FHIP1A: variants seen among roughly 807,000 people sequenced by gnomAD.
FHIP1A encodes FHF complex subunit HOOK interacting protein 1A.
In FHIP1A, 61 loss-of-function variants were observed where a neutral mutation model predicts 88.6. The ratio of observed to expected loss-of-function variants is 0.69; its 90% CI spans 0.56 to 0.85. The LOEUF (loss-of-function observed/expected upper bound fraction) is 0.85, where lower values mean the gene tolerates loss of function less well. Ranked by LOEUF, FHIP1A falls within the 40% of genes least tolerant of loss-of-function variation. The pLI is 0.00. For synonymous variants in FHIP1A, 478 were observed against 496.0 expected (o/e 0.96, Z 0.48); for missense variants, 1,154 against 1,273.5 (o/e 0.91, Z 1.43).
intron 3 of FHIP1A, among the ~76,000 whole-genome samples, chr4:151,515,394 A>G (rs1390832914): frequency 6.6e-6 from 1 of 152,068 alleles, no homozygotes. Context: ...AAAGTGGCAC[A>G]AGACAGGGAT....
intron 1 of FHIP1A, among the ~76,000 whole-genome samples, chr4:151,444,805 A>G (rs1432596137): frequency 2.0e-5 from 3 of 152,164 alleles, no homozygotes; most frequent in Admixed American, 1.3e-4. Context: ...GCATTGTAAG[A>G]TATACTACAA....
At position 151,668,636 on chromosome 4, in the gene FHIP1A, C is replaced by T. The variant is rs1372742081; in HGVS notation, c.*5882C>T. Among the ~76,000 whole-genome samples the T allele has an allele frequency of 6.6e-6, 1 of 152,192 alleles. No individual in the cohort carries two copies. Among genetic ancestry groups the T allele is most frequent in the African/African-American group, 2.4e-5 (1 of 41,452 alleles). On this transcript the variant is annotated 3_prime_UTR_variant, in exon 14 of 14. Transcript: ENST00000435205. ...ACCCAGATGACCCAGAACGCAGAAG[C>T]CTAGTAGTTGGTATCACCAGTGTCT...
intron 7 of FHIP1A, among the ~76,000 whole-genome samples, chr4:151,612,277 G>GTTTT (rs1288799411): frequency 6.6e-6 from 1 of 152,182 alleles, no homozygotes; most frequent in Non-Finnish European, 1.5e-5. Flanking sequence ...TTTTTATTGT[G>GTTTT]TTTTTGTTAA....
intron 3 of FHIP1A, among the ~76,000 whole-genome samples, chr4:151,532,133 G>T (rs144127196): frequency 1.3e-5 from 2 of 152,042 alleles, no homozygotes; most frequent in African/African-American, 2.4e-5. Context: ...GGTCTATATC[G>T]TTTTTTTGGT....
chr4:151,541,804 A>G (rs1032910223), intron 3 of FHIP1A, among the ~76,000 whole-genome samples: 2 of 152,122 alleles, frequency 1.3e-5, no homozygotes, highest in African/African-American at 4.8e-5. Context: ...TTGATTTTGT[A>G]AATAGTTGCT....
chr4:151,656,708 G>C lies in FHIP1A; in HGVS notation c.2731-52G>C, dbSNP rs543657759. 37 of 1,519,020 alleles carry C rather than the reference G, an allele frequency of 2.4e-5. No homozygotes were observed. In the East Asian group the frequency reaches 7.9e-4, roughly 32 times the overall value. 94.1% of individuals were successfully genotyped at this position (1,519,020 alleles called of 1,614,324 possible). On this transcript the variant is annotated intron_variant, in intron 12 of 13. Coordinates refer to ENST00000435205, the MANE Select transcript of FHIP1A (RefSeq NM_001109977.3). The surrounding 1 kb of genome is among the most constrained non-coding windows in gnomAD (Gnocchi z 4.2). ...TACCTGCAAGATATATTGATAACTG[G>C]GAGTGGAATTTCATGGTGAGGCATT...
chr4:151,649,639 A>G lies in FHIP1A; in HGVS notation c.1598A>G (p.Glu533Gly). 1 of 1,551,590 alleles carries G rather than the reference A, an allele frequency of 6.4e-7. No individual in the cohort carries two copies. The highest frequency in any genetic ancestry group is 8.7e-7 in the Non-Finnish European group (1 of 1,146,966). ...ALYDGDSPDP[E>G]MFLQSLTEEG... ...TATGATGGCGACTCCCCCGACCCTGAGATGTTTCTCCAGAGTCTGACGGAG... is the reference window on the plus strand; with the variant it reads ...TATGATGGCGACTCCCCCGACCCTGGGATGTTTCTCCAGAGTCTGACGGAG... Residue 533 changes from glutamate to glycine, a missense_variant, in exon 11 of 14, where the codon GAG becomes GGG. Glu to Gly is a moderately conservative substitution (Grantham distance 98). Coordinates refer to ENST00000435205, the MANE Select transcript of FHIP1A (RefSeq NM_001109977.3).
chr4:151,636,010 C>T (rs986214142), intron 8 of FHIP1A, among the ~76,000 whole-genome samples: 1 of 151,876 alleles, frequency 6.6e-6, no homozygotes, highest in Non-Finnish European at 1.5e-5. Context: ...CAAAACTAAA[C>T]AAAGACACCA....
chr4:151,480,553 C>T (rs188020225), intron 2 of FHIP1A, among the ~76,000 whole-genome samples: 463 of 151,986 alleles, frequency 3.0e-3, no homozygotes, highest in Admixed American at 5.0e-3. Context: ...CTGTGGGATA[C>T]GGAAGAAGGA....
intron 3 of FHIP1A, among the ~76,000 whole-genome samples, chr4:151,531,500 T>G (rs1731876285): frequency 8.4e-6 from 1 of 119,518 alleles, no homozygotes; most frequent in East Asian, 2.2e-4. Flanking sequence ...TTTTCTTTTT[T>G]CTTCTTTTTT....
chr4:151,493,422 A>G (rs1279155227), intron 3 of FHIP1A, among the ~76,000 whole-genome samples: 1 of 152,196 alleles, frequency 6.6e-6, no homozygotes, highest in Admixed American at 6.5e-5. Context: ...TACCAATCCT[A>G]CTGAAATGAT....
rs1268722366 is a variant in FHIP1A at position 151,492,228 on chromosome 4, C to G, written c.-123+9580C>G. Among the ~76,000 whole-genome samples the G allele has an allele frequency of 2.6e-5, 4 of 152,128 alleles. No individual in the cohort carries two copies. The East Asian group carries it at 7.7e-4, about 29-fold the overall frequency. ...TCTTTTCATCAGCCCATGGAACATT[C>G]TCCAAGATAGACTATAAGATAGGCC... On this transcript the variant is annotated intron_variant, in intron 3 of 13. Transcript: ENST00000435205.
chr4:151,527,662 G>A (rs1018684558), intron 3 of FHIP1A, among the ~76,000 whole-genome samples: 1 of 152,176 alleles, frequency 6.6e-6, no homozygotes, highest in African/African-American at 2.4e-5. Context: ...GGGCTGAGAA[G>A]TTAAAGGTCT....
chr4:151,428,589 C>G (rs1054300407), intron 1 of FHIP1A, among the ~76,000 whole-genome samples: 1 of 152,222 alleles, frequency 6.6e-6, no homozygotes. Context: ...CCTCCAGCAC[C>G]CTCCTTCCCA....
chr4:151,582,763 G>A (rs1183672272), intron 5 of FHIP1A, among the ~76,000 whole-genome samples: 1 of 152,196 alleles, frequency 6.6e-6, no homozygotes, highest in East Asian at 1.9e-4. Context: ...ATTTTTTTGT[G>A]TGTGTGGATG....
At chr4:151,604,722 G>A (rs1345670665) in intron 7 of FHIP1A, among the ~76,000 whole-genome samples, 5 of 151,794 alleles carry the variant, frequency 3.3e-5, no homozygotes. Flanking sequence ...GGTGGTGGGC[G>A]CCTGTAGACC....
intron 1 of FHIP1A, among the ~76,000 whole-genome samples, chr4:151,433,790 G>A (rs1733689933): frequency 6.6e-6 from 1 of 152,116 alleles, no homozygotes; most frequent in South Asian, 2.1e-4. Flanking sequence ...TAGACTCGTA[G>A]CCCTTTAGAA....
intron 1 of FHIP1A, among the ~76,000 whole-genome samples, chr4:151,412,604 CT>C (rs1732699831): frequency 7.3e-6 from 1 of 137,130 alleles, no homozygotes; most frequent in African/African-American, 2.8e-5. Context: ...TCCTTCCTTC[CT>C]TCCTTCCTCC....
chr4:151,515,515 T>A (rs1003768848), intron 3 of FHIP1A, among the ~76,000 whole-genome samples: 3 of 152,146 alleles, frequency 2.0e-5, no homozygotes, highest in African/African-American at 7.2e-5. Flanking sequence ...AGTCAAATTA[T>A]CCCTGTTTGC....
Sources: gnomAD v4.1 joint callset for allele counts (sites outside exome capture counted in the v4.1 genomes callset) on GRCh38, gnomAD v4.1.1 for gene constraint, Gnocchi (gnomAD v3.1) non-coding constraint, MANE v1.5 for transcripts, NCBI Gene and HGNC (gene_info 2026-07-23, HGNC 2026-07-21) for gene names.